FHIP1A: variants seen among roughly 807,000 people sequenced by gnomAD.
FHIP1A encodes the protein FHF complex subunit HOOK interacting protein 1A.
A neutral mutation model predicts 88.6 loss-of-function variants in FHIP1A; 61 were observed. The ratio of observed to expected loss-of-function variants is 0.69; its 90% confidence interval spans 0.56 to 0.85. The LOEUF is 0.85. FHIP1A is among the 40% of genes least tolerant of loss of function. The pLI is 0.00. For missense variants in FHIP1A, 1,154 were observed against 1,273.5 expected (o/e 0.91, Z 1.43); for synonymous variants, 478 against 496.0 (o/e 0.96, Z 0.48).
intron 3 of FHIP1A, among the ~76,000 whole-genome samples, chr4:151,504,908 G>A (rs901905396): frequency 2.6e-5 from 4 of 152,162 alleles, no homozygotes; most frequent in African/African-American, 7.2e-5. Flanking sequence ...GGGAGCCGCC[G>A]CGCCCAGCCT....
At chr4:151,563,833 T>TA (rs1048385723) in intron 3 of FHIP1A, among the ~76,000 whole-genome samples, 5 of 147,940 alleles carry the variant, frequency 3.4e-5, no homozygotes, top group East Asian at 2.0e-4. Flanking sequence ...GTACAAAAAA[T>TA]AAAAAAAAAA....
chr4:151,578,426 C>T (rs1390911134), intron 5 of FHIP1A, among the ~76,000 whole-genome samples: 1 of 152,106 alleles, frequency 6.6e-6, no homozygotes, highest in Non-Finnish European at 1.5e-5. Flanking sequence ...TGATTTTGCT[C>T]CAAGGAATCA....
chr4:151,528,263 C>G (rs1345989186), intron 3 of FHIP1A, among the ~76,000 whole-genome samples: 1 of 152,160 alleles, frequency 6.6e-6, no homozygotes, highest in Non-Finnish European at 1.5e-5. Flanking sequence ...TCACTCCCAG[C>G]TTTGATTTAT....
At chr4:151,631,885 G>A (rs904868470) in intron 8 of FHIP1A, among the ~76,000 whole-genome samples, 10 of 152,012 alleles carry the variant, frequency 6.6e-5, no homozygotes, top group African/African-American at 2.2e-4. Flanking sequence ...TGGGAAAAGA[G>A]GAATAAAGTA....
chr4:151,491,758 C>T (rs1378376055), intron 3 of FHIP1A, among the ~76,000 whole-genome samples: 2 of 152,114 alleles, frequency 1.3e-5, no homozygotes, highest in African/African-American at 2.4e-5. Context: ...ACTCACCTAA[C>T]ACATAGAACT....
In FHIP1A at chr4:151,527,689, A is replaced by G. The variant is rs951642030; in HGVS notation, c.-122-38449A>G. ...TAAAGGTCTGCAATGCTTCAGTATA[A>G]TGCTCTGATAATTAAAAGGTGAATT... On this transcript the variant is annotated intron_variant, in intron 3 of 13. Transcript: ENST00000435205. Among the ~76,000 whole-genome samples, 3 of 152,226 alleles carry G rather than the reference A, an allele frequency of 2.0e-5. No individual in the cohort carries two copies. In the South Asian group the frequency reaches 6.2e-4, roughly 31 times the overall value.
In FHIP1A at chr4:151,629,868, G is replaced by A. The variant is rs780480873; in HGVS notation, c.1145G>A (p.Arg382Gln). 5.2e-6 allele frequency: 8 copies of A among 1,550,518 alleles called. No homozygotes were observed. In the Admixed American group the frequency reaches 5.9e-5, roughly 11 times the overall value. The change falls in exon 8 of 14, where the codon CGG (arginine) becomes CAG (glutamine). Residue 382 changes from arginine (R) to glutamine (Q), a missense_variant and splice_region_variant. Transcript: ENST00000435205. Reference sequence around the variant, plus strand: ...ACGAGTCGAATCAACACCCCGTTTCGGGTAAGGAGAGCGCCAGAGGAAGGG... The same window carrying A: ...ACGAGTCGAATCAACACCCCGTTTCAGGTAAGGAGAGCGCCAGAGGAAGGG... ...TLTSRINTPF[R>Q]LCVVSLALFR...
chr4:151,590,752 A>G (rs1288234896), intron 7 of FHIP1A, among the ~76,000 whole-genome samples: 1 of 152,226 alleles, frequency 6.6e-6, no homozygotes, highest in East Asian at 1.9e-4. Flanking sequence ...CTAACATTTG[A>G]TCTAGCTCTT....
Position 151,665,815 on chromosome 4 carries a change from TA to T in FHIP1A, c.*3062del, listed in dbSNP as rs1479370024. On this transcript the variant is annotated 3_prime_UTR_variant, in exon 14 of 14. Coordinates refer to ENST00000435205, the MANE Select transcript of FHIP1A (RefSeq NM_001109977.3). ...AATGAGTTGGGGGGAAAATCTTAAA[TA>T]TGTTTGGCATGCTTAAAGATATGGT... is the stretch of plus-strand genomic sequence containing the variant. Among the ~76,000 whole-genome samples, 2 of 152,246 alleles carry T rather than the reference TA, an allele frequency of 1.3e-5. No homozygotes were observed. Among genetic ancestry groups the T allele is most frequent in the African/African-American group, 2.4e-5 (1 of 41,462 alleles).
chr4:151,637,288 A>G (rs929186626), intron 8 of FHIP1A, among the ~76,000 whole-genome samples: 1 of 152,198 alleles, frequency 6.6e-6, no homozygotes, highest in Non-Finnish European at 1.5e-5. Flanking sequence ...AGCATGAACA[A>G]CAACAAATGA....
chr4:151,454,347 C>A (rs992120303), intron 1 of FHIP1A, among the ~76,000 whole-genome samples: 16 of 152,136 alleles, frequency 1.1e-4, no homozygotes, highest in Non-Finnish European at 2.1e-4. Flanking sequence ...CTGTTTGGGC[C>A]AAAGACTGTT....
At position 151,667,235 on chromosome 4, in the gene FHIP1A, G is replaced by A. The variant is rs1737697643; in HGVS notation, c.*4481G>A. The stretch of plus-strand genomic sequence containing the variant: ...TTTAAGTCATTAGGAAGATATTCTA[G>A]GCCCCTTGTTGCTTCAGCCATCAGT... On this transcript the variant is annotated 3_prime_UTR_variant, in exon 14 of 14. Transcript: ENST00000435205. The A allele has an allele frequency of 6.6e-6, 1 of 152,200 alleles. No homozygotes were observed. The highest frequency in any genetic ancestry group is 6.5e-5 in the Admixed American group (1 of 15,284). 9.4% of individuals were successfully genotyped at this position (152,200 alleles called of 1,614,324 possible).
chr4:151,646,698 A>G lies in FHIP1A; in HGVS notation c.1367A>G (p.Asn456Ser). ...AGCGGGATCACTCTGACGCTGGGGA[A>G]CCAAGAGAGGGATTATATTCTCTGG... The part of the protein sequence containing the change: ...CSSGITLTLG[N>S]QERDYILWSK... The change falls in exon 10 of 14, where the codon AAC (asparagine) becomes AGC (serine). Residue 456 changes from asparagine to serine, a missense_variant. Asn to Ser is a conservative substitution (Grantham distance 46, BLOSUM62 1). Transcript: ENST00000435205. 3.9e-6 allele frequency: 6 copies of G among 1,551,606 alleles called. No individual in the cohort carries two copies. Among genetic ancestry groups the G allele is most frequent in the Non-Finnish European group, 5.2e-6 (6 of 1,146,934 alleles).
chr4:151,569,594 T>C (rs1254235487), intron 4 of FHIP1A, among the ~76,000 whole-genome samples: 1 of 152,116 alleles, frequency 6.6e-6, no homozygotes, highest in African/African-American at 2.4e-5. Flanking sequence ...AAGCCTGTGG[T>C]ATCCCAAGTT....
chr4:151,489,635 C>T (rs561016279), intron 3 of FHIP1A, among the ~76,000 whole-genome samples: 5 of 152,088 alleles, frequency 3.3e-5, no homozygotes, highest in Non-Finnish European at 7.4e-5. Flanking sequence ...GTGCTGTTAT[C>T]GAGGCATGGT....
intron 3 of FHIP1A, among the ~76,000 whole-genome samples, chr4:151,525,184 A>G (rs923700742): frequency 1.3e-5 from 2 of 152,242 alleles, no homozygotes; most frequent in Admixed American, 1.3e-4. Flanking sequence ...ACTCAGGCTC[A>G]GCTGGGCCTA....
At chr4:151,508,835 A>G (rs923946519) in intron 3 of FHIP1A, among the ~76,000 whole-genome samples, 3 of 152,172 alleles carry the variant, frequency 2.0e-5, no homozygotes, top group African/African-American at 7.2e-5. Context: ...CCTACCAGTC[A>G]GCATTTACAT....
intron 3 of FHIP1A, among the ~76,000 whole-genome samples, chr4:151,552,083 T>A (rs1249561628): frequency 6.6e-6 from 1 of 152,222 alleles, no homozygotes; most frequent in Non-Finnish European, 1.5e-5. Context: ...AAAGTGCTCA[T>A]CATCACTGGT....
intron 2 of FHIP1A, among the ~76,000 whole-genome samples, chr4:151,480,039 C>A (rs1039067300): frequency 1.3e-5 from 2 of 152,046 alleles, no homozygotes; most frequent in East Asian, 3.8e-4. Context: ...CAGCTTCCCC[C>A]CTTTTTGGCA....
Sources: gnomAD v4.1 joint callset for allele counts (sites outside exome capture counted in the v4.1 genomes callset) on GRCh38, gnomAD v4.1.1 for gene constraint, MANE v1.5 for transcripts, NCBI Gene and HGNC (gene_info 2026-07-23, HGNC 2026-07-21) for gene names.